GABRG3: variants seen among roughly 807,000 people sequenced by gnomAD.
The protein encoded by GABRG3 is gamma-aminobutyric acid receptor subunit gamma-3.
A neutral mutation model predicts 48.8 loss-of-function variants in GABRG3; 25 were observed. The ratio of observed to expected loss-of-function variants is 0.51; its 90% CI spans 0.37 to 0.72. GABRG3 has a LOEUF of 0.72. GABRG3 is among the 30% of genes least tolerant of loss of function. The pLI, the probability that GABRG3 is intolerant of heterozygous loss-of-function variation, is 0.00. For synonymous variants in GABRG3, 227 were observed against 217.6 expected, an observed-to-expected ratio of 1.04 and a Z score of -0.38; for missense variants, 394 against 577.9, an observed-to-expected ratio of 0.68 and a Z score of 3.26.
chr15:27,123,793 A>G (rs1897771845), intron 3 of GABRG3, among the ~76,000 whole-genome samples: 1 of 152,130 alleles, frequency 6.6e-6, no homozygotes, highest in Admixed American at 6.5e-5. Context: ...TAATGGAGGC[A>G]TTGCTGCTGT....
At chr15:27,092,664 A>G (rs1303827157) in intron 3 of GABRG3, among the ~76,000 whole-genome samples, 1 of 152,218 alleles carries the variant, frequency 6.6e-6, no homozygotes, top group Non-Finnish European at 1.5e-5. Flanking sequence ...CAGGCCAGCC[A>G]TTGAAAAATA....
At chr15:27,251,848 G>A (rs1468640449) in intron 3 of GABRG3, among the ~76,000 whole-genome samples, 1 of 152,168 alleles carries the variant, frequency 6.6e-6, no homozygotes, top group East Asian at 1.9e-4. Context: ...TCTCTGCTGG[G>A]TCCTACCCCC....
chr15:27,130,522 G>C (rs1156583654), intron 3 of GABRG3, among the ~76,000 whole-genome samples: 1 of 151,896 alleles, frequency 6.6e-6, no homozygotes, highest in Non-Finnish European at 1.5e-5. Context: ...TTGGATATTT[G>C]GAGTCTTTTG....
chr15:27,164,272 C>T (rs1195372186), intron 3 of GABRG3, among the ~76,000 whole-genome samples: 2 of 152,126 alleles, frequency 1.3e-5, no homozygotes, highest in Non-Finnish European at 2.9e-5. Context: ...AAATAAGTTG[C>T]AGACATTACA....
chr15:27,215,624 A>G (rs921499012), intron 3 of GABRG3, among the ~76,000 whole-genome samples: 1 of 152,190 alleles, frequency 6.6e-6, no homozygotes, highest in East Asian at 1.9e-4. Flanking sequence ...TGCACCCGTT[A>G]TTAAACACAT....
chr15:27,495,744 T>C (rs1008590240), intron 6 of GABRG3, among the ~76,000 whole-genome samples: 1 of 152,250 alleles, frequency 6.6e-6, no homozygotes, highest in Non-Finnish European at 1.5e-5. Flanking sequence ...CCGAAGTGTT[T>C]GTAATCACTT....
At position 27,307,860 on chromosome 15, in the gene GABRG3, AAT is replaced by A. The variant is rs571671114; in HGVS notation, c.271-18941_271-18940del. On this transcript the variant is annotated intron_variant, in intron 3 of 9. Coordinates refer to ENST00000615808, the MANE Select transcript of GABRG3 (RefSeq NM_033223.5). ...TATAAAATAAACATGTTTATATATA[AAT>A]ATATATAAATGTATATGTTTATATA... Among the ~76,000 whole-genome samples the A allele has an allele frequency of 2.0e-3, 274 of 134,578 alleles. 9 individuals carry two copies. The highest frequency in any genetic ancestry group is 7.0e-3 in the African/African-American group (258 of 37,068). The allele number at this position is 134,578 out of a possible 152,430, so 88.3% of individuals were successfully genotyped here.
At chr15:27,056,150 A>G (rs1896541630) in intron 3 of GABRG3, among the ~76,000 whole-genome samples, 1 of 151,888 alleles carries the variant, frequency 6.6e-6, no homozygotes, top group Non-Finnish European at 1.5e-5. Context: ...GGAGTTCGAG[A>G]TCAGCCTGGG....
At chr15:27,299,869 T>C (rs1439973161) in intron 3 of GABRG3, among the ~76,000 whole-genome samples, 2 of 152,022 alleles carry the variant, frequency 1.3e-5, no homozygotes, top group Non-Finnish European at 2.9e-5. Context: ...TGCCAGAGAA[T>C]AAAAAAGTAC....
intron 2 of GABRG3, among the ~76,000 whole-genome samples, chr15:27,009,929 C>G (rs1431601378): frequency 6.6e-6 from 1 of 151,194 alleles, no homozygotes; most frequent in Non-Finnish European, 1.5e-5. Context: ...GCTGCTTCTT[C>G]TTCTTTCTTC....
intron 3 of GABRG3, among the ~76,000 whole-genome samples, chr15:27,038,273 T>C (rs1266100828): frequency 1.3e-5 from 2 of 152,188 alleles, no homozygotes; most frequent in Non-Finnish European, 2.9e-5. Flanking sequence ...GGCTGCTCTC[T>C]GCTTCTGTGG....
intron 6 of GABRG3, among the ~76,000 whole-genome samples, chr15:27,495,953 A>T (rs1439715659): frequency 6.6e-6 from 1 of 152,154 alleles, no homozygotes; most frequent in Non-Finnish European, 1.5e-5. Flanking sequence ...GCCTCTTTTG[A>T]CACTGCTCTA....
chr15:27,082,823 G>A (rs1375426883), intron 3 of GABRG3, among the ~76,000 whole-genome samples: 1 of 152,222 alleles, frequency 6.6e-6, no homozygotes, highest in Admixed American at 6.5e-5. Flanking sequence ...ACAGCAGCAG[G>A]AATGTTGATG....
rs923754564 is a variant in GABRG3, at chr15:26,977,014, G to A, written c.66G>A (p.Val22=). 6.2e-7 allele frequency: 1 copy of A among 1,613,732 alleles called. No individual in the cohort carries two copies. The highest frequency in any genetic ancestry group is 8.5e-7 in the Non-Finnish European group (1 of 1,179,876). Residue 22 remains valine, a synonymous_variant, in exon 2 of 10, where the codon GTG becomes GTA. Coordinates refer to ENST00000615808, the MANE Select transcript of GABRG3 (RefSeq NM_033223.5). ...FSGLHARSRK[V]EEDEYEDSSS... is the part of the protein sequence containing the mutation. ...GCTGTAACTCCAGGTCCAGAAAGGT[G>A]GAAGAGGATGAATATGAAGATTCAT...
At chr15:27,306,712 A>C (rs1229825824) in intron 3 of GABRG3, among the ~76,000 whole-genome samples, 2 of 126,616 alleles carry the variant, frequency 1.6e-5, no homozygotes, top group Admixed American at 8.9e-5. Flanking sequence ...AAACATATAC[A>C]ATATAAACAT....
chr15:27,099,114 A>G (rs1015848119), intron 3 of GABRG3, among the ~76,000 whole-genome samples: 1 of 152,230 alleles, frequency 6.6e-6, no homozygotes, highest in Admixed American at 6.5e-5. Flanking sequence ...GAGATGTTGT[A>G]ATTATTGGGC....
In GABRG3 at chr15:27,537,409, G is replaced by A. The variant is rs1891572483; in HGVS notation, c.*4528G>A. 6.6e-6 allele frequency: 1 copy of A among 152,140 alleles called. No homozygotes were observed. Among genetic ancestry groups the A allele is most frequent in the Non-Finnish European group, 1.5e-5 (1 of 68,022 alleles). The allele number at this position is 152,140 out of a possible 1,614,324, so 9.4% of individuals were successfully genotyped here. A position where few individuals can be genotyped will look rare whatever the true frequency, so the allele number is the denominator to read the frequency against. ...CTATTTTTTTTCTCAAATTGGCCTG[G>A]AGGAAACATTCAGGTTCAGAGAGTT... On this transcript the variant is annotated 3_prime_UTR_variant, in exon 10 of 10. Transcript: ENST00000615808.
chr15:27,469,242 C>T (rs771372376), intron 5 of GABRG3, among the ~76,000 whole-genome samples: 2 of 152,162 alleles, frequency 1.3e-5, no homozygotes, highest in Non-Finnish European at 2.9e-5. Flanking sequence ...GCCATTTCTG[C>T]AGTTGTCTTT....
At chr15:27,076,783 G>A (rs1218529240) in intron 3 of GABRG3, among the ~76,000 whole-genome samples, 1 of 152,194 alleles carries the variant, frequency 6.6e-6, no homozygotes, top group Non-Finnish European at 1.5e-5. Flanking sequence ...GCCATCAGAA[G>A]CCGGAAGAAT....
Sources: gnomAD v4.1 joint callset for allele counts (sites outside exome capture counted in the v4.1 genomes callset) on GRCh38, gnomAD v4.1.1 for gene constraint, MANE v1.5 for transcripts, NCBI Gene and HGNC (gene_info 2026-07-23, HGNC 2026-07-21) for gene names.